LRSAM1: variants seen among roughly 807,000 people sequenced by gnomAD.
The protein encoded by LRSAM1 is E3 ubiquitin-protein ligase LRSAM1.
Under a neutral mutation model 118.1 loss-of-function variants are expected in LRSAM1, and 96 were observed. The observed-to-expected ratio is 0.81, with a 90% CI of 0.69 to 0.96. The LOEUF (loss-of-function observed/expected upper bound fraction) is 0.96, where lower values mean the gene tolerates loss of function less well. LRSAM1 is among the 40% of genes least tolerant of loss of function. The pLI is 0.00. For missense variants in LRSAM1, 804 were observed against 915.5 expected (o/e 0.88, Z 1.57); for synonymous variants, 322 against 364.2 (o/e 0.88, Z 1.32).
At chr9:127,460,134 G>A (rs1834678876) in intron 7 of LRSAM1, among the ~76,000 whole-genome samples, 1 of 151,984 alleles carries the variant, frequency 6.6e-6, no homozygotes, top group Non-Finnish European at 1.5e-5. Flanking sequence ...TAAGTAGCTG[G>A]AATTACAGGC....
rs756830051 is a variant in LRSAM1, at chr9:127,479,982, G to A, written c.1043+4G>A. 1 of 1,614,196 alleles carries A rather than the reference G, an allele frequency of 6.2e-7. No individual in the cohort carries two copies. On this transcript the variant is annotated splice_donor_region_variant and intron_variant, in intron 14 of 25. Coordinates refer to ENST00000300417, the MANE Select transcript of LRSAM1 (RefSeq NM_001005373.4). ...AGCTGCTGCAGGACAATCAGAGGTT[G>A]GGCTCTGCTCCTCGGCCCCAGCCCC...
chr9:127,452,219 G>A (rs1834348956), intron 2 of LRSAM1, 135 bp downstream of exon 2: 1 of 152,532 alleles, frequency 6.6e-6, no homozygotes, highest in Non-Finnish European at 1.5e-5. Flanking sequence ...GGGTGGGAGA[G>A]CGATGGTGGT....
rs527534670 is a variant in LRSAM1 at position 127,493,405 on chromosome 9, C to T, written c.1599+508C>T. Among the ~76,000 whole-genome samples the T allele has an allele frequency of 3.3e-5, 5 of 152,274 alleles. No individual in the cohort carries two copies. The East Asian group carries it at 5.8e-4, about 18-fold the overall frequency. ...CATATTTTCCAAACATTGTGATGCACCTTTATAGCTGTTCGTGTATGCGCC... is the reference window on the plus strand; with the variant it reads ...CATATTTTCCAAACATTGTGATGCATCTTTATAGCTGTTCGTGTATGCGCC... On this transcript the variant is annotated intron_variant, in intron 21 of 25. Coordinates refer to ENST00000300417, the MANE Select transcript of LRSAM1 (RefSeq NM_001005373.4).
intron 6 of LRSAM1, among the ~76,000 whole-genome samples, chr9:127,458,368 G>A (rs868243894): frequency 2.1e-3 from 307 of 146,210 alleles, no homozygotes; most frequent in African/African-American, 7.5e-3. Context: ...CGGCGTGGGC[G>A]ACAGAGCGAG....
chr9:127,478,732 T>C (rs1195707367), intron 11 of LRSAM1, among the ~76,000 whole-genome samples: 1 of 152,124 alleles, frequency 6.6e-6, no homozygotes, highest in African/African-American at 2.4e-5. Context: ...GCCCAGGGGT[T>C]CTCATCAGGT....
intron 25 of LRSAM1, among the ~76,000 whole-genome samples, chr9:127,502,390 A>C (rs1836424193): frequency 6.6e-6 from 1 of 152,180 alleles, no homozygotes; most frequent in Non-Finnish European, 1.5e-5. Context: ...AAGATGCTAA[A>C]GAATAATGAA....
At chr9:127,473,167 C>T (rs1011685201) in intron 10 of LRSAM1, among the ~76,000 whole-genome samples, 1 of 152,200 alleles carries the variant, frequency 6.6e-6, no homozygotes, top group East Asian at 1.9e-4. Flanking sequence ...TTTCTTGTGA[C>T]GTGACTGTAT....
chr9:127,451,627 C>T lies in LRSAM1; in HGVS notation c.-231C>T. The T allele has an allele frequency of 2.1e-6, 1 of 482,836 alleles. No individual in the cohort carries two copies. The highest frequency in any genetic ancestry group is 3.4e-5 in the East Asian group (1 of 29,268). 29.9% of individuals were successfully genotyped at this position (482,836 alleles called of 1,614,324 possible). On this transcript the variant is annotated 5_prime_UTR_variant, in exon 1 of 26. Transcript: ENST00000300417. ...CTCCGGAGAAGTCTGAGAAGGGTGGCTCCGGTGATCCCAGCCCTAGCTGTT... is the reference window on the plus strand; with the variant it reads ...CTCCGGAGAAGTCTGAGAAGGGTGGTTCCGGTGATCCCAGCCCTAGCTGTT...
At chr9:127,493,718 C>A (rs1836019626) in intron 21 of LRSAM1, among the ~76,000 whole-genome samples, 1 of 152,160 alleles carries the variant, frequency 6.6e-6, no homozygotes, top group African/African-American at 2.4e-5. Context: ...CTGTCCCTGT[C>A]CCCTGATGGG....
Position 127,489,506 on chromosome 9 carries a change from G to T in LRSAM1, c.1410G>T (p.Gln470His). Residue 470 changes from glutamine (Q) to histidine (H), a missense_variant, in exon 19 of 26, where the codon CAG becomes CAT. Gln to His is a conservative substitution (Grantham distance 24). Transcript: ENST00000300417. The part of the protein sequence containing the change: ...LQVKKDLMHR[Q>H]IRSQIKLIET... ...TGAAGAAAGACCTGATGCATCGGCAGATCAGGAGCCAGGTGAGCGCTGGGG... is the reference window on the plus strand; with the variant it reads ...TGAAGAAAGACCTGATGCATCGGCATATCAGGAGCCAGGTGAGCGCTGGGG... 7 of 1,608,764 alleles carry T rather than the reference G, an allele frequency of 4.4e-6. No individual in the cohort carries two copies. The highest frequency in any genetic ancestry group is 5.9e-6 in the Non-Finnish European group (7 of 1,178,276).
In LRSAM1 at chr9:127,479,831, G is replaced by A. The variant is rs770590486; in HGVS notation, c.904-8G>A. 6 of 1,610,484 alleles carry A rather than the reference G, an allele frequency of 3.7e-6. No homozygotes were observed. The highest frequency in any genetic ancestry group is 2.2e-5 in the South Asian group (2 of 90,908). On this transcript the variant is annotated splice_polypyrimidine_tract_variant and splice_region_variant and intron_variant, in intron 13 of 25. Coordinates refer to ENST00000300417, the MANE Select transcript of LRSAM1 (RefSeq NM_001005373.4). The stretch of plus-strand genomic sequence containing the variant: ...CCAGGGGCTCAGGACCCCTACCTCC[G>A]GCTGCAGGAGCAGTCCCGGCTGGAG...
At chr9:127,491,133 C>T in intron 19 of LRSAM1, 82 bp from the exon 20 acceptor site, 5 of 1,203,224 alleles carry the variant, frequency 4.2e-6, no homozygotes, top group Admixed American at 1.7e-5. Context: ...CTTAGACCCA[C>T]TTGGTCACCA....
chr9:127,460,786 G>T (rs1834705341), intron 7 of LRSAM1, among the ~76,000 whole-genome samples: 1 of 151,928 alleles, frequency 6.6e-6, no homozygotes, highest in East Asian at 1.9e-4. Flanking sequence ...AGGGCGAGGG[G>T]TGCGGGGGTC....
chr9:127,491,687 G>T (rs1393097741), intron 20 of LRSAM1, among the ~76,000 whole-genome samples: 1 of 152,228 alleles, frequency 6.6e-6, no homozygotes, highest in Non-Finnish European at 1.5e-5. Flanking sequence ...TGGGTGTCCC[G>T]GGTTGTCTGG....
intron 25 of LRSAM1, 137 bp downstream of exon 25, chr9:127,501,280 A>G (rs1836382589): frequency 8.5e-7 from 1 of 1,170,778 alleles, no homozygotes; most frequent in Non-Finnish European, 1.2e-6. Flanking sequence ...GAAGGCAGGA[A>G]ATAAAGATGA....
intron 13 of LRSAM1, 78 bp downstream of exon 13, chr9:127,479,583 C>T (rs1388460043): frequency 5.7e-6 from 9 of 1,590,528 alleles, no homozygotes; most frequent in East Asian, 2.3e-5. Context: ...CAAGGTCCCT[C>T]GGATGTGGAA....
intron 24 of LRSAM1, 61 bp from the exon 25 acceptor site, chr9:127,500,949 C>T (rs1368588570): frequency 3.7e-6 from 6 of 1,612,010 alleles, no homozygotes; most frequent in Non-Finnish European, 5.1e-6. Flanking sequence ...CACAATGAGC[C>T]CCCAGGGGTT....
At chr9:127,467,652 CAG>C (rs1835007277) in intron 9 of LRSAM1, 86 bp from the exon 10 acceptor site, 5 of 1,275,752 alleles carry the variant, frequency 3.9e-6, no homozygotes, top group South Asian at 3.8e-5. Flanking sequence ...GTAGAGGTGA[CAG>C]AGAACACACA....
intron 16 of LRSAM1, among the ~76,000 whole-genome samples, chr9:127,484,890 C>T (rs1835673530): frequency 6.7e-6 from 1 of 149,660 alleles, no homozygotes; most frequent in Non-Finnish European, 1.5e-5. Context: ...CTCACGCAAC[C>T]TCTGCCTCCC....
Sources: gnomAD v4.1 joint callset for allele counts (sites outside exome capture counted in the v4.1 genomes callset) on GRCh38, gnomAD v4.1.1 for gene constraint, MANE v1.5 for transcripts, NCBI Gene and HGNC (gene_info 2026-07-23, HGNC 2026-07-21) for gene names.